Variants in SETBP1 observed in about 807,000 individuals in gnomAD.
SETBP1 encodes the protein SET-binding protein.
Under a neutral mutation model 101.0 loss-of-function variants are expected in SETBP1, and 9 were observed. That is an observed-to-expected ratio of 0.09 (90% CI 0.05 to 0.16). The LOEUF is 0.16. SETBP1 is among the 10% of genes least tolerant of loss of function. SETBP1 has a pLI of 1.00. For synonymous variants in SETBP1, 818 were observed against 788.5 expected (o/e 1.04, Z -0.63); for missense variants, 1,858 against 2,033.8 (o/e 0.91, Z 1.66).
intron 2 of SETBP1, among the ~76,000 whole-genome samples, chr18:44,735,058 A>G (rs1339824489): frequency 6.6e-6 from 1 of 152,244 alleles, no homozygotes; most frequent in Non-Finnish European, 1.5e-5. Context: ...AGAGATATTC[A>G]CTAATATAAT....
At chr18:44,772,363 C>G (rs986863482) in intron 2 of SETBP1, among the ~76,000 whole-genome samples, 1 of 152,130 alleles carries the variant, frequency 6.6e-6, no homozygotes, top group Non-Finnish European at 1.5e-5. Flanking sequence ...ACCTCGAGGA[C>G]CCACATCTGC....
At chr18:44,854,066 C>G (rs1027811353) in intron 2 of SETBP1, among the ~76,000 whole-genome samples, 2 of 152,088 alleles carry the variant, frequency 1.3e-5, no homozygotes, top group African/African-American at 4.8e-5. Flanking sequence ...ATTTGGTTTT[C>G]ATATTCAAAA....
intron 3 of SETBP1, among the ~76,000 whole-genome samples, chr18:44,944,976 AC>A (rs2071169813): frequency 6.6e-6 from 1 of 152,130 alleles, no homozygotes; most frequent in Non-Finnish European, 1.5e-5. Context: ...TTAAAAAGAA[AC>A]CTGACTTACA....
chr18:44,891,405 T>G (rs1048045230), intron 3 of SETBP1, among the ~76,000 whole-genome samples: 1 of 152,184 alleles, frequency 6.6e-6, no homozygotes, highest in African/African-American at 2.4e-5. Context: ...GCAAACATTA[T>G]TAAGTACCTA....
intron 4 of SETBP1, among the ~76,000 whole-genome samples, chr18:45,034,181 C>G (rs911990914): frequency 3.9e-4 from 60 of 152,132 alleles, no homozygotes; most frequent in African/African-American, 1.3e-3. Flanking sequence ...ACTACTACTT[C>G]GGAAGAAACA....
At chr18:44,999,346 A>G (rs1246733163) in intron 4 of SETBP1, among the ~76,000 whole-genome samples, 2 of 152,200 alleles carry the variant, frequency 1.3e-5, no homozygotes, top group Non-Finnish European at 2.9e-5. Context: ...AGCATTGAAG[A>G]GCCTCCAGAA....
chr18:44,861,680 A>G (rs994201577), intron 2 of SETBP1, among the ~76,000 whole-genome samples: 1 of 152,090 alleles, frequency 6.6e-6, no homozygotes, highest in Non-Finnish European at 1.5e-5. Context: ...TCCTGAATGA[A>G]CCCCAGAGAC....
At chr18:44,698,879 A>G (rs555571842) in intron 1 of SETBP1, among the ~76,000 whole-genome samples, 10 of 152,016 alleles carry the variant, frequency 6.6e-5, no homozygotes, top group Admixed American at 2.6e-4. Context: ...ATCTTTTATG[A>G]CTTGAATTTT....
chr18:44,897,715 G>C (rs2144814277), intron 3 of SETBP1, among the ~76,000 whole-genome samples: 1 of 152,324 alleles, frequency 6.6e-6, no homozygotes, highest in Middle Eastern at 3.4e-3. Context: ...ATATGAACAA[G>C]AGCAGCTGTG....
intron 3 of SETBP1, among the ~76,000 whole-genome samples, chr18:44,913,483 A>G (rs1225764452): frequency 6.6e-6 from 1 of 152,236 alleles, no homozygotes; most frequent in Non-Finnish European, 1.5e-5. Flanking sequence ...TAGAGGGTGC[A>G]GGGCCAGCTT....
intron 4 of SETBP1, among the ~76,000 whole-genome samples, chr18:45,026,197 A>G (rs1371734942): frequency 6.6e-6 from 1 of 152,242 alleles, no homozygotes; most frequent in Non-Finnish European, 1.5e-5. Flanking sequence ...CTTGTATCAC[A>G]TCTGGCATTT....
intron 2 of SETBP1, among the ~76,000 whole-genome samples, chr18:44,862,921 T>G (rs1283945224): frequency 6.6e-6 from 1 of 152,140 alleles, no homozygotes; most frequent in Non-Finnish European, 1.5e-5. Context: ...GAGACCTGCA[T>G]AGGTAAATGA....
intron 3 of SETBP1, among the ~76,000 whole-genome samples, chr18:44,924,503 A>G (rs950484712): frequency 2.0e-5 from 3 of 152,176 alleles, no homozygotes; most frequent in East Asian, 1.9e-4. Context: ...ACCCTTTATC[A>G]TATTAGCCAC....
At chr18:45,002,460 A>G (rs569722096) in intron 4 of SETBP1, among the ~76,000 whole-genome samples, 12 of 152,160 alleles carry the variant, frequency 7.9e-5, no homozygotes, top group African/African-American at 2.9e-4. Context: ...TGTTCGTCCT[A>G]TTCATTTGGG....
chr18:45,054,489 T>A (rs956481217), intron 5 of SETBP1, among the ~76,000 whole-genome samples: 1 of 152,086 alleles, frequency 6.6e-6, no homozygotes, highest in African/African-American at 2.4e-5. Flanking sequence ...CCCAGCTGAC[T>A]ATTTATAAGT....
rs189463394 is a variant in SETBP1, at chr18:44,972,703, T to C, written c.4000+19363T>C. On this transcript the variant is annotated intron_variant, in intron 4 of 5. Coordinates refer to ENST00000649279, the MANE Select transcript of SETBP1 (RefSeq NM_015559.3). ...GTCTGTTATTGGTGTTTAAGAATGC[T>C]TGTGATTTTTTCACATCGATTTTGT... Among the ~76,000 whole-genome samples the C allele has an allele frequency of 4.1e-4, 63 of 152,346 alleles. 1 individual carries two copies. The East Asian group carries it at 7.1e-3, about 17-fold the overall frequency.
intron 4 of SETBP1, among the ~76,000 whole-genome samples, chr18:44,977,799 C>T (rs886390189): frequency 2.6e-5 from 4 of 152,168 alleles, no homozygotes; most frequent in African/African-American, 9.7e-5. Context: ...GAGGAGAGAA[C>T]ACCTTTCACT....
chr18:45,063,000 T>A (rs1261412841), intron 5 of SETBP1, 79 bp from the exon 6 acceptor site: 1 of 1,593,804 alleles, frequency 6.3e-7, no homozygotes, highest in Non-Finnish European at 8.6e-7. Flanking sequence ...CCAAGTAGAA[T>A]GCTAGCTGTC....
At chr18:44,708,784 CAA>C (rs1292696808) in intron 2 of SETBP1, among the ~76,000 whole-genome samples, 2 of 152,096 alleles carry the variant, frequency 1.3e-5, no homozygotes, top group Non-Finnish European at 2.9e-5. Context: ...AGAAGAAAAA[CAA>C]AGCAGCATTT....
Sources: allele counts gnomAD v4.1 joint callset (sites outside exome capture counted in the v4.1 genomes callset), GRCh38; gene constraint gnomAD v4.1.1; transcripts MANE v1.5; gene names NCBI Gene and HGNC (gene_info 2026-07-23, HGNC 2026-07-21).